Variants in SCARB1 observed in about 807,000 individuals in gnomAD.
The protein encoded by SCARB1 is CD36 and LIMPII analogous 1.
In SCARB1, 30 loss-of-function variants were observed where a neutral mutation model predicts 57.2. That is an observed-to-expected ratio of 0.52 (90% CI 0.39 to 0.71). The LOEUF is 0.71. SCARB1 is among the 30% of genes least tolerant of loss of function. The pLI is 0.00. For missense variants in SCARB1, 543 were observed against 671.2 expected (o/e 0.81, Z 2.11); for synonymous variants, 249 against 268.3 (o/e 0.93, Z 0.70).
At chr12:124,804,036 C>T (rs1371893277) in intron 7 of SCARB1, among the ~76,000 whole-genome samples, 3 of 152,248 alleles carry the variant, frequency 2.0e-5, no homozygotes, top group African/African-American at 7.2e-5. Flanking sequence ...GTTTCTCCCC[C>T]TTCTCCTGGT....
chr12:124,786,039 T>C, intron 11 of SCARB1: 2 of 1,501,098 alleles, frequency 1.3e-6, no homozygotes, highest in Non-Finnish European at 1.8e-6. Context: ...TAACAGAACC[T>C]GGCATCCCCG....
At chr12:124,834,019 C>T (rs1951527817) in intron 1 of SCARB1, among the ~76,000 whole-genome samples, 1 of 152,262 alleles carries the variant, frequency 6.6e-6, no homozygotes, top group Admixed American at 6.5e-5. Context: ...GCACTGCCTC[C>T]TCGTGACTCC....
At chr12:124,858,058 A>T (rs928463082) in intron 1 of SCARB1, among the ~76,000 whole-genome samples, 10 of 152,158 alleles carry the variant, frequency 6.6e-5, no homozygotes, top group African/African-American at 2.2e-4. Context: ...CACATACCTG[A>T]GCACAGCTGC....
intron 1 of SCARB1, among the ~76,000 whole-genome samples, chr12:124,858,156 C>T (rs932469422): frequency 3.3e-5 from 5 of 152,352 alleles, no homozygotes; most frequent in African/African-American, 1.2e-4. Context: ...TTCACACACA[C>T]ACACACGTGC....
chr12:124,856,030 G>C (rs1236334240), intron 1 of SCARB1, among the ~76,000 whole-genome samples: 1 of 152,264 alleles, frequency 6.6e-6, no homozygotes, highest in Non-Finnish European at 1.5e-5. Context: ...CCACGTTCTA[G>C]TTAATCAGGG....
rs531016316 is a variant in SCARB1 at position 124,825,478 on chromosome 12, C to G, written c.127-7771G>C. ...TTGAGGTCAGGAGTTCCAGACCAGC[C>G]GGGCCAACATGGTGCAACCCCGTCT... On this transcript the variant is annotated intron_variant, in intron 1 of 12. Coordinates refer to ENST00000261693, the MANE Select transcript of SCARB1 (RefSeq NM_005505.5). Among the ~76,000 whole-genome samples the G allele has an allele frequency of 1.1e-3, 169 of 152,190 alleles. 1 individual carries two copies. Among genetic ancestry groups the G allele is most frequent in the African/African-American group, 4.0e-3 (166 of 41,538 alleles).
At chr12:124,804,512 A>C (rs1241211772) in intron 7 of SCARB1, among the ~76,000 whole-genome samples, 2 of 152,204 alleles carry the variant, frequency 1.3e-5, no homozygotes, top group African/African-American at 2.4e-5. Context: ...AGCATCTGCC[A>C]CTTGCGACAG....
At chr12:124,815,310 C>T (rs539990082) in intron 2 of SCARB1, among the ~76,000 whole-genome samples, 196 bp from the exon 3 acceptor site, 16 of 152,292 alleles carry the variant, frequency 1.1e-4, no homozygotes, top group South Asian at 2.1e-4. Context: ...GACATGGTGT[C>T]GCCGCCCACC....
At position 124,788,844 on chromosome 12, in the gene SCARB1, G is replaced by A. The variant is rs182225507; in HGVS notation, c.1203-1387C>T. Among the ~76,000 whole-genome samples the A allele has an allele frequency of 2.6e-5, 4 of 152,260 alleles. No homozygotes were observed. The East Asian group carries it at 5.8e-4, about 22-fold the overall frequency. ...TCACACATGCACACAGAGGCACAAA[G>A]ATGTTCAGTGTTGCTTGGACTAGCA... On this transcript the variant is annotated intron_variant, in intron 9 of 12. Transcript: ENST00000261693.
At chr12:124,801,383 C>A (rs1466800062) in intron 7 of SCARB1, among the ~76,000 whole-genome samples, 1 of 152,132 alleles carries the variant, frequency 6.6e-6, no homozygotes, top group Non-Finnish European at 1.5e-5. Context: ...GGCTGCACAA[C>A]CTTGTGACCC....
Position 124,810,956 on chromosome 12 carries a change from T to A in SCARB1, c.727-667A>T, listed in dbSNP as rs1003434295. 6.6e-6 allele frequency among the ~76,000 whole-genome samples: 1 copy of A among 152,184 alleles called. No individual in the cohort carries two copies. The highest frequency in any genetic ancestry group is 2.4e-5 in the African/African-American group (1 of 41,432). ...TTGGGGTACGATTTGTCCCTAGCCC[T>A]CAGGGTCTTTGCAGTAACTACCACG... On this transcript the variant is annotated intron_variant, in intron 5 of 12. Coordinates refer to ENST00000261693, the MANE Select transcript of SCARB1 (RefSeq NM_005505.5). The surrounding 1 kb of genome is among the most constrained non-coding windows in gnomAD (Gnocchi z 4.0).
chr12:124,786,155 T>G, intron 11 of SCARB1: 2 of 1,548,084 alleles, frequency 1.3e-6, no homozygotes, highest in Non-Finnish European at 1.7e-6. Context: ...ACAGGCAGAG[T>G]AGTGGCAACG....
intron 6 of SCARB1, among the ~76,000 whole-genome samples, chr12:124,809,791 G>T (rs562811959): frequency 1.1e-4 from 16 of 152,312 alleles, no homozygotes; most frequent in African/African-American, 3.8e-4. Context: ...ACACAGAGCT[G>T]AGCCTGAAGG....
At position 124,856,599 on chromosome 12, in the gene SCARB1, T is replaced by C. The variant is rs747565237; in HGVS notation, c.126+6996A>G. ...AAAGAGGAAGAAAAACAAAACAGAA[T>C]TGGCACACACCTGTGATCCAAGCTG... On this transcript the variant is annotated intron_variant, in intron 1 of 12. Coordinates refer to ENST00000261693, the MANE Select transcript of SCARB1 (RefSeq NM_005505.5). Among the ~76,000 whole-genome samples, 6 of 152,186 alleles carry C rather than the reference T, an allele frequency of 3.9e-5. No individual in the cohort carries two copies. In the South Asian group the frequency reaches 6.2e-4, roughly 16 times the overall value.
At chr12:124,821,278 A>C in intron 1 of SCARB1, 1 of 558,074 alleles carries the variant, frequency 1.8e-6, no homozygotes, top group Non-Finnish European at 2.3e-6. Context: ...ACGCGCACAC[A>C]CACACACGCA....
At chr12:124,780,237 C>T (rs1335977178) in intron 12 of SCARB1, among the ~76,000 whole-genome samples, 1 of 152,162 alleles carries the variant, frequency 6.6e-6, no homozygotes, top group Non-Finnish European at 1.5e-5. Context: ...GGACAGTTGT[C>T]CAGGCTGTTC....
chr12:124,846,359 G>A (rs1238972079), intron 1 of SCARB1, among the ~76,000 whole-genome samples: 4 of 152,168 alleles, frequency 2.6e-5, no homozygotes, highest in African/African-American at 7.2e-5. Context: ...TACTCTGACT[G>A]TCGGGCCCTA....
At chr12:124,847,436 G>A (rs2135812608) in intron 1 of SCARB1, among the ~76,000 whole-genome samples, 1 of 152,350 alleles carries the variant, frequency 6.6e-6, no homozygotes, top group East Asian at 1.9e-4. Flanking sequence ...GGGCATCTGG[G>A]CTAGTGGCTG....
rs138336116 is a variant in SCARB1, at chr12:124,841,270, G to A, written c.126+22325C>T. ...GCCTGTAGTCCCAGCTACGCGGGAG[G>A]CTGAGGCAGGAGAATGGCATGAACC... On this transcript the variant is annotated intron_variant, in intron 1 of 12. Transcript: ENST00000261693. 9.8e-3 allele frequency among the ~76,000 whole-genome samples: 1,492 copies of A among 152,166 alleles called. 21 individuals carry two copies. The highest frequency in any genetic ancestry group is 0.034 in the African/African-American group (1,426 of 41,506).
Sources: allele counts gnomAD v4.1 joint callset (sites outside exome capture counted in the v4.1 genomes callset), GRCh38; gene constraint gnomAD v4.1.1; non-coding constraint Gnocchi (gnomAD v3.1); transcripts MANE v1.5; gene names NCBI Gene and HGNC (gene_info 2026-07-23, HGNC 2026-07-21).